Variants in KIAA0319 observed in about 807,000 individuals in gnomAD.
The protein encoded by KIAA0319 is KIAA0319, also known as dyslexia-associated protein KIAA0319.
KIAA0319 carries 83 observed loss-of-function variants against 108.4 expected under a neutral mutation model. The observed-to-expected ratio is 0.77, with a 90% confidence interval of 0.64 to 0.92. The LOEUF (loss-of-function observed/expected upper bound fraction) is 0.92. KIAA0319 is among the 40% of genes least tolerant of loss of function. The pLI is 0.00. For missense variants in KIAA0319, 1,195 were observed against 1,322.4 expected (o/e 0.90, Z 1.49); for synonymous variants, 484 against 510.4 (o/e 0.95, Z 0.70).
In KIAA0319 at chr6:24,579,876, C is replaced by G. The variant is rs558979689; in HGVS notation, c.1354G>C (p.Ala452Pro). The G allele has an allele frequency of 1.9e-5, 30 of 1,603,636 alleles. No individual in the cohort carries two copies. The African/African-American group carries it at 3.7e-4, about 20-fold the overall frequency. The change falls in exon 8 of 21, where the codon GCC becomes CCC. Residue 452 changes from alanine (A) to proline (P), a missense_variant. By Grantham distance (27) the Ala-to-Pro change is conservative (BLOSUM62 -1). Coordinates refer to ENST00000378214, the MANE Select transcript of KIAA0319 (RefSeq NM_014809.4). ...LQELTLPLTS[A>P]LIDGSQSTDD... ...TACACACGGCTGCCATCAATGAGGG[C>G]TGACGTCAAAGGCAAAGTGAGCTCT...
intron 4 of KIAA0319, 78 bp from the exon 5 acceptor site, chr6:24,583,780 T>C (rs1767015163): frequency 1.1e-6 from 1 of 893,006 alleles, no homozygotes; most frequent in East Asian, 2.6e-5. Context: ...AGATCTGTTT[T>C]TGGTATCCAT....
chr6:24,638,199 G>A (rs1307080488), intron 1 of KIAA0319, among the ~76,000 whole-genome samples: 1 of 152,110 alleles, frequency 6.6e-6, no homozygotes, highest in Non-Finnish European at 1.5e-5. Context: ...GTAGGGAGAG[G>A]AGACAAAAAT....
chr6:24,564,037 T>A (rs148303074), intron 15 of KIAA0319, among the ~76,000 whole-genome samples, 165 bp downstream of exon 15: 1 of 152,260 alleles, frequency 6.6e-6, no homozygotes, highest in African/African-American at 2.4e-5. Flanking sequence ...TGGATCTATC[T>A]GGGGATACAC....
chr6:24,624,200 G>GTT (rs1562091390), intron 1 of KIAA0319, among the ~76,000 whole-genome samples: 3 of 116,620 alleles, frequency 2.6e-5, no homozygotes, highest in African/African-American at 7.1e-5. Context: ...AATTTTTGGG[G>GTT]TTGTTTTTTT....
At chr6:24,579,434 T>TATA (rs1460753947) in intron 8 of KIAA0319, among the ~76,000 whole-genome samples, 1 of 120,326 alleles carries the variant, frequency 8.3e-6, no homozygotes, top group African/African-American at 3.4e-5. Flanking sequence ...TATATATATC[T>TATA]TATATATCTC....
At chr6:24,635,099 T>G (rs886895399) in intron 1 of KIAA0319, among the ~76,000 whole-genome samples, 5 of 151,732 alleles carry the variant, frequency 3.3e-5, no homozygotes, top group Non-Finnish European at 4.4e-5. Flanking sequence ...CAGTTTATTT[T>G]CTTTCTTTCT....
In KIAA0319 at chr6:24,547,025, T is replaced by G; in HGVS notation, c.*140A>C. ...GTTTTGTGCCTTCAAAAACCGGTCT[T>G]TTAGTACGTGGGGATACACATCTAA... On this transcript the variant is annotated 3_prime_UTR_variant, in exon 21 of 21. Coordinates refer to ENST00000378214, the MANE Select transcript of KIAA0319 (RefSeq NM_014809.4). 1.2e-6 allele frequency: 1 copy of G among 839,700 alleles called. No individual in the cohort carries two copies. The highest frequency in any genetic ancestry group is 1.9e-6 in the Non-Finnish European group (1 of 536,720). 52.0% of individuals were successfully genotyped at this position (839,700 alleles called of 1,614,324 possible).
At position 24,576,614 on chromosome 6, in the gene KIAA0319, A is replaced by G. The variant is rs894281859; in HGVS notation, c.1506-18T>C. The G allele has an allele frequency of 3.1e-6, 5 of 1,601,052 alleles. No individual in the cohort carries two copies. The highest frequency in any genetic ancestry group is 4.3e-6 in the Non-Finnish European group (5 of 1,168,196). On this transcript the variant is annotated intron_variant, in intron 9 of 20. Transcript: ENST00000378214. ...CAGTCAACCTACAAAAAGGAGAAGA[A>G]GCCGTAGTTGGAAGAATATGCCAGG...
At chr6:24,583,353 G>A (rs753851793) in intron 5 of KIAA0319, 59 of 622,372 alleles carry the variant, frequency 9.5e-5, no homozygotes, top group Non-Finnish European at 1.3e-4. Context: ...TGCATCATCA[G>A]AAATTTATGA....
intron 1 of KIAA0319, among the ~76,000 whole-genome samples, chr6:24,615,271 A>C (rs1772998556): frequency 6.6e-6 from 1 of 152,216 alleles, no homozygotes; most frequent in African/African-American, 2.4e-5. Flanking sequence ...AAATTATGAT[A>C]TAGCCAGGTA....
At chr6:24,540,294 C>T (rs1265809147), downstream of KIAA0319, among the ~76,000 whole-genome samples, 1 of 152,216 alleles carries the variant, frequency 6.6e-6, no homozygotes, top group Non-Finnish European at 1.5e-5. Flanking sequence ...TTTACACCAG[C>T]ATCACCACAA....
chr6:24,588,347 A>T (rs1767885267), intron 4 of KIAA0319, among the ~76,000 whole-genome samples: 1 of 152,106 alleles, frequency 6.6e-6, no homozygotes, highest in Non-Finnish European at 1.5e-5. Flanking sequence ...CTCTCACAGC[A>T]CTTACCATAT....
intron 1 of KIAA0319, among the ~76,000 whole-genome samples, chr6:24,642,853 G>A (rs1044226517): frequency 2.0e-4 from 30 of 152,126 alleles, no homozygotes; most frequent in South Asian, 6.2e-4. Context: ...GATTACAGGC[G>A]CCCACCACTA....
chr6:24,586,551 T>C (rs933417638), intron 4 of KIAA0319, among the ~76,000 whole-genome samples: 1 of 152,188 alleles, frequency 6.6e-6, no homozygotes, highest in Non-Finnish European at 1.5e-5. Flanking sequence ...TCGTTTATTC[T>C]GGGCACCTTT....
chr6:24,595,544 C>G (rs1322530255), intron 3 of KIAA0319, among the ~76,000 whole-genome samples: 2 of 34,618 alleles, frequency 5.8e-5, no homozygotes, highest in Admixed American at 4.4e-4. Flanking sequence ...GAGATTCAAT[C>G]TCAAAAAAAA....
chr6:24,560,132 T>G (rs1762905558), intron 16 of KIAA0319, among the ~76,000 whole-genome samples: 1 of 152,244 alleles, frequency 6.6e-6, no homozygotes, highest in African/African-American at 2.4e-5. Context: ...TGCTTCCACA[T>G]TTTGGCTATT....
chr6:24,583,603 C>T lies in KIAA0319; in HGVS notation c.1093+1G>A, dbSNP rs1451872220. 1 of 1,608,952 alleles carries T rather than the reference C, an allele frequency of 6.2e-7. No individual in the cohort carries two copies. Among genetic ancestry groups the T allele is most frequent in the Non-Finnish European group, 8.5e-7 (1 of 1,175,448 alleles). ...GTCAGGGAGGAAGGTTAAACTCTCA[C>T]CTACAGGTGGCGCTGGCGCAACAAA... is the stretch of plus-strand genomic sequence containing the variant. On this transcript the variant is annotated splice_donor_variant, in intron 5 of 20. Coordinates refer to ENST00000378214, the MANE Select transcript of KIAA0319 (RefSeq NM_014809.4). LOFTEE classifies it high-confidence loss of function.
At chr6:24,596,645 GGA>G (rs768418126) in intron 2 of KIAA0319, 27 bp from the exon 3 acceptor site, 4 of 1,563,564 alleles carry the variant, frequency 2.6e-6, no homozygotes, top group Non-Finnish European at 3.5e-6. Flanking sequence ...TTCTAATGAG[GGA>G]GAGAGGCATA....
chr6:24,569,943 C>CGCT lies in KIAA0319; in HGVS notation c.1948_1950dup (p.Ser650dup), dbSNP rs759486390. The stretch of plus-strand genomic sequence containing the variant: ...TGGTAGAAGACAATGCCGTGGTCAT[C>CGCT]GCTGCTGCTGCTCCCATCCAGGGTA... On this transcript the variant is annotated inframe_insertion, in exon 12 of 21. Transcript: ENST00000378214. 1 of 1,614,146 alleles carries CGCT rather than the reference C, an allele frequency of 6.2e-7. No individual in the cohort carries two copies. The highest frequency in any genetic ancestry group is 8.5e-7 in the Non-Finnish European group (1 of 1,179,982).
Sources: allele counts gnomAD v4.1 joint callset (sites outside exome capture counted in the v4.1 genomes callset), GRCh38; gene constraint gnomAD v4.1.1; transcripts MANE v1.5; gene names NCBI Gene and HGNC (gene_info 2026-07-23, HGNC 2026-07-21).